RBFOX1: variants seen among roughly 807,000 people sequenced by gnomAD.
The protein encoded by RBFOX1 is RNA binding fox-1 homolog 1.
In RBFOX1, 8 loss-of-function variants were observed where a neutral mutation model predicts 57.7. The observed-to-expected ratio is 0.14, with a 90% CI of 0.08 to 0.25. RBFOX1 has a LOEUF of 0.25. RBFOX1 is among the 10% of genes least tolerant of loss of function. The pLI is 1.00. For synonymous variants in RBFOX1, 326 were observed against 222.4 expected (o/e 1.47, Z -4.15); for missense variants, 611 against 548.5 (o/e 1.11, Z -1.14).
chr16:6,588,760 C>G (rs1480149539), intron 2 of RBFOX1, among the ~76,000 whole-genome samples: 1 of 152,138 alleles, frequency 6.6e-6, no homozygotes, highest in African/African-American at 2.4e-5. Context: ...ATCTGAAAAT[C>G]AGGACTTACT....
At chr16:6,880,585 C>T (rs1328069018) in intron 3 of RBFOX1, among the ~76,000 whole-genome samples, 1 of 152,112 alleles carries the variant, frequency 6.6e-6, no homozygotes, top group Non-Finnish European at 1.5e-5. Context: ...ATCTGTTTTT[C>T]TTTCTGGACT....
At position 7,336,880 on chromosome 16, in the gene RBFOX1, T is replaced by G. The variant is rs770929732; in HGVS notation, c.28-181267T>G. ...TTGACCTGAAATGATGTGTAGCTATTTATAGACTTTCTTTATCCCAGCTAA... is the reference window on the plus strand; with the variant it reads ...TTGACCTGAAATGATGTGTAGCTATGTATAGACTTTCTTTATCCCAGCTAA... On this transcript the variant is annotated intron_variant, in intron 4 of 15. Transcript: ENST00000550418. Among the ~76,000 whole-genome samples the G allele has an allele frequency of 7.6e-4, 115 of 152,184 alleles. 1 individual carries two copies. Among genetic ancestry groups the G allele is most frequent in the Non-Finnish European group, 1.4e-3 (95 of 68,030 alleles).
intron 3 of RBFOX1, among the ~76,000 whole-genome samples, chr16:6,841,022 C>G (rs1281967192): frequency 1.3e-5 from 2 of 152,114 alleles, no homozygotes; most frequent in African/African-American, 4.8e-5. Context: ...TGGGCTTAGC[C>G]TCCAGAATTG....
At chr16:6,719,384 A>G (rs1036557642) in intron 3 of RBFOX1, among the ~76,000 whole-genome samples, 3 of 152,180 alleles carry the variant, frequency 2.0e-5, no homozygotes, top group African/African-American at 7.2e-5. Flanking sequence ...TAAATTTAAA[A>G]TAACTATTAC....
chr16:5,819,267 C>G (rs2055759545), intron 3 of RBFOX1, among the ~76,000 whole-genome samples: 1 of 152,194 alleles, frequency 6.6e-6, no homozygotes, highest in South Asian at 2.1e-4. Flanking sequence ...ATCATACGAG[C>G]TCTCTGGGAT....
intron 3 of RBFOX1, among the ~76,000 whole-genome samples, chr16:6,941,722 G>C (rs1366390541): frequency 1.3e-5 from 2 of 152,190 alleles, no homozygotes; most frequent in Admixed American, 1.3e-4. Context: ...GAGAGAGATT[G>C]GATTTGGCTT....
chr16:6,896,713 G>A (rs929482312), intron 3 of RBFOX1, among the ~76,000 whole-genome samples: 9 of 152,130 alleles, frequency 5.9e-5, no homozygotes, highest in African/African-American at 2.2e-4. Flanking sequence ...AAAAGTGCCC[G>A]GTAAATTATG....
At chr16:5,919,660 A>G (rs2058778075) in intron 4 of RBFOX1, among the ~76,000 whole-genome samples, 1 of 152,128 alleles carries the variant, frequency 6.6e-6, no homozygotes, top group South Asian at 2.1e-4. Context: ...TTTAAAGCGT[A>G]TAATTCCATG....
intron 1 of RBFOX1, among the ~76,000 whole-genome samples, chr16:5,450,703 G>C (rs79487041): frequency 6.6e-6 from 1 of 152,146 alleles, no homozygotes. Flanking sequence ...CCACCGCTCC[G>C]TGCTGGAATT....
Position 5,871,046 on chromosome 16 carries a change from G to A in RBFOX1, c.351+3711G>A, listed in dbSNP as rs192984062. Among the ~76,000 whole-genome samples, 204 of 152,218 alleles carry A rather than the reference G, an allele frequency of 1.3e-3. 2 individuals carry two copies. The Middle Eastern group carries it at 0.054, about 41-fold the overall frequency. ...GATTGACAGTGAATATGTGAATAACGTTTGCTAAATCTGGACTTTGAAAAC... is the reference window on the plus strand; with the variant it reads ...GATTGACAGTGAATATGTGAATAACATTTGCTAAATCTGGACTTTGAAAAC... On this transcript the variant is annotated intron_variant, in intron 4 of 19. Coordinates refer to the RBFOX1 transcript ENST00000641259.
chr16:6,285,023 C>G (rs1238958801), intron 1 of RBFOX1, among the ~76,000 whole-genome samples: 1 of 152,080 alleles, frequency 6.6e-6, no homozygotes, highest in Non-Finnish European at 1.5e-5. Context: ...TCACAGTTAG[C>G]CAGTCTTAAA....
chr16:7,474,055 G>A (rs1209392222), intron 4 of RBFOX1, among the ~76,000 whole-genome samples: 1 of 152,158 alleles, frequency 6.6e-6, no homozygotes, highest in African/African-American at 2.4e-5. Context: ...TTGGGAGGCT[G>A]AGGAGGGCGG....
At chr16:6,868,913 G>T (rs571020010) in intron 3 of RBFOX1, among the ~76,000 whole-genome samples, 1 of 152,176 alleles carries the variant, frequency 6.6e-6, no homozygotes, top group South Asian at 2.1e-4. Flanking sequence ...GTGACATTTT[G>T]TGAGTTACCA....
chr16:6,024,278 T>C lies in RBFOX1; in HGVS notation c.-127+4286T>C, dbSNP rs74789635. On this transcript the variant is annotated intron_variant, in intron 1 of 15. Transcript: ENST00000550418. ...AAGGCAGACGAGAACTTTCCTTTCT[T>C]GTAGCTTATATTGTCGTGGGGGAAG... 2.0e-4 allele frequency among the ~76,000 whole-genome samples: 31 copies of C among 152,296 alleles called. No individual in the cohort carries two copies. In the East Asian group the frequency reaches 6.0e-3, roughly 29 times the overall value.
chr16:6,394,963 A>C (rs1031331832), intron 2 of RBFOX1, among the ~76,000 whole-genome samples: 1 of 152,208 alleles, frequency 6.6e-6, no homozygotes, highest in Non-Finnish European at 1.5e-5. Flanking sequence ...CTCTCCAATA[A>C]ATATTATTAT....
chr16:7,060,787 C>T (rs1461704300), intron 4 of RBFOX1, among the ~76,000 whole-genome samples: 1 of 152,142 alleles, frequency 6.6e-6, no homozygotes, highest in African/African-American at 2.4e-5. Context: ...GAATTCTCCC[C>T]TCACTTAAGA....
chr16:5,651,390 C>G (rs977081248), intron 3 of RBFOX1, among the ~76,000 whole-genome samples: 3 of 152,050 alleles, frequency 2.0e-5, no homozygotes, highest in Admixed American at 2.0e-4. Context: ...CCTGGAGCAA[C>G]CTGCAGAATG....
Position 6,684,766 on chromosome 16 carries a change from T to C in RBFOX1, c.-16+30116T>C, listed in dbSNP as rs181817704. Among the ~76,000 whole-genome samples, 8 of 152,338 alleles carry C rather than the reference T, an allele frequency of 5.3e-5. No individual in the cohort carries two copies. The East Asian group carries it at 1.5e-3, about 29-fold the overall frequency. ...AATGACCGTTAACTGGTCAGCAAAGTAATTGAAACAGGAAAGTTTGGAGGA... is the reference window on the plus strand; with the variant it reads ...AATGACCGTTAACTGGTCAGCAAAGCAATTGAAACAGGAAAGTTTGGAGGA... On this transcript the variant is annotated intron_variant, in intron 3 of 15. Transcript: ENST00000550418.
intron 2 of RBFOX1, among the ~76,000 whole-genome samples, chr16:6,393,589 T>G (rs2092698833): frequency 1.3e-5 from 2 of 152,196 alleles, no homozygotes; most frequent in African/African-American, 2.4e-5. Context: ...CCTTTCAATC[T>G]TGGGGTATCT....
Sources: allele counts gnomAD v4.1 joint callset (sites outside exome capture counted in the v4.1 genomes callset), GRCh38; gene constraint gnomAD v4.1.1; transcripts MANE v1.5; gene names NCBI Gene and HGNC (gene_info 2026-07-23, HGNC 2026-07-21).